The following KIF26A variants were observed in gnomAD, a reference collection of about 807,000 sequenced individuals.
KIF26A encodes the protein kinesin-like protein KIF26A.
KIF26A carries 74 observed loss-of-function variants against 126.0 expected under a neutral mutation model. The ratio of observed to expected loss-of-function variants is 0.59; its 90% CI spans 0.49 to 0.71. The LOEUF (loss-of-function observed/expected upper bound fraction) is 0.71, where lower values mean the gene tolerates loss of function less well. KIF26A is among the 30% of genes least tolerant of loss of function. The pLI, the probability that KIF26A is intolerant of heterozygous loss-of-function variation, is 0.00. For synonymous variants in KIF26A, 1,445 were observed against 1,232.7 expected, an observed-to-expected ratio of 1.17 and a Z score of -3.61; for missense variants, 2,984 against 2,763.3, an observed-to-expected ratio of 1.08 and a Z score of -1.79.
intron 2 of KIF26A, among the ~76,000 whole-genome samples, chr14:104,145,927 C>G (rs1407886608): frequency 6.6e-6 from 1 of 152,230 alleles, no homozygotes; most frequent in Non-Finnish European, 1.5e-5. Flanking sequence ...TGGCTCCAAG[C>G]TTTATCTTCC....
chr14:104,152,129 C>T lies in KIF26A; in HGVS notation c.403C>T (p.Leu135Phe). 6.2e-7 allele frequency: 1 copy of T among 1,612,024 alleles called. No individual in the cohort carries two copies. The change falls in exon 3 of 15, where the codon CTC becomes TTC. Residue 135 changes from leucine to phenylalanine, a missense_variant. Leu to Phe is a conservative substitution (Grantham distance 22). Coordinates refer to ENST00000423312, the MANE Select transcript of KIF26A (RefSeq NM_015656.2). This position sits in a 1 kb window ranked among gnomAD's most constrained non-coding sequence, Gnocchi z 5.9. Reference protein sequence around the residue: ...CDVCATHLQQLTREAMHLLQA... With the variant: ...CDVCATHLQQFTREAMHLLQA... ...CGTCTGCGCCACACACCTGCAGCAG[C>T]TCACACGGGAGGCCATGCACCTGCT...
At chr14:104,168,542 G>A (rs532638460) in intron 5 of KIF26A, among the ~76,000 whole-genome samples, 47 of 152,280 alleles carry the variant, frequency 3.1e-4, no homozygotes, top group African/African-American at 9.9e-4. Flanking sequence ...GGGGGCATCA[G>A]GCAGTTGGCA....
intron 4 of KIF26A, among the ~76,000 whole-genome samples, chr14:104,159,629 C>G (rs537437490): frequency 6.6e-6 from 1 of 152,248 alleles, no homozygotes; most frequent in East Asian, 1.9e-4. Context: ...ACCAGCGCAT[C>G]GGGCTGGGGA....
In KIF26A at chr14:104,139,168, C is replaced by G. The variant is rs1052296852; in HGVS notation, c.168C>G (p.Ala56=). The G allele has an allele frequency of 6.6e-7, 1 of 1,526,242 alleles. No homozygotes were observed. The allele number at this position is 1,526,242 out of a possible 1,614,324, so 94.5% of individuals were successfully genotyped here. The stretch of plus-strand genomic sequence containing the variant: ...GCCCTGCTCCCGAAGGCGCCGGGGC[C>G]GGCCCAGAGCAGGGCCACTCGGCCG... ...GSRPAPEGAG[A]GPEQGHSAGG... is the part of the protein sequence containing the mutation. Residue 56 remains alanine, a synonymous_variant, in exon 2 of 15, where the codon GCC becomes GCG. Transcript: ENST00000423312.
intron 2 of KIF26A, among the ~76,000 whole-genome samples, chr14:104,149,041 G>A (rs965263349): frequency 6.6e-6 from 1 of 152,242 alleles, no homozygotes; most frequent in Non-Finnish European, 1.5e-5. Flanking sequence ...CGAGCAGTCT[G>A]TGCCCTGGCC....
At chr14:104,162,576 C>T (rs1329036379) in intron 4 of KIF26A, among the ~76,000 whole-genome samples, 1 of 152,214 alleles carries the variant, frequency 6.6e-6, no homozygotes, top group African/African-American at 2.4e-5. Context: ...GCCCGGCCTC[C>T]GCGTCCCCTG....
rs1403088242 is a variant in KIF26A, at chr14:104,177,719, C to T, written c.4931C>T (p.Ala1644Val). ...GTGCTGAGTGGAGAGCTGCCGCCCG[C>T]CATGGGCCGCACCGCCCTTTTCCAC... ...SSVLSGELPP[A>V]MGRTALFHHS... Residue 1644 changes from alanine (A) to valine (V), a missense_variant, in exon 12 of 15, where the codon GCC becomes GTC. Coordinates refer to ENST00000423312, the MANE Select transcript of KIF26A (RefSeq NM_015656.2). The T allele has an allele frequency of 2.0e-6, 3 of 1,536,468 alleles. No individual in the cohort carries two copies.
In KIF26A at chr14:104,180,668, C is replaced by G. The variant is rs978395238; in HGVS notation, c.*878C>G. Reference sequence around the variant, plus strand: ...CCGGGCTCTCTCCAGCTGTGGGAGGCCTGCTCCCTCTGGGGGGCACCCTGG... The same window carrying G: ...CCGGGCTCTCTCCAGCTGTGGGAGGGCTGCTCCCTCTGGGGGGCACCCTGG... On this transcript the variant is annotated 3_prime_UTR_variant, in exon 15 of 15. Coordinates refer to ENST00000423312, the MANE Select transcript of KIF26A (RefSeq NM_015656.2). The G allele has an allele frequency of 6.5e-6, 1 of 153,962 alleles. No individual in the cohort carries two copies. The highest frequency in any genetic ancestry group is 1.9e-4 in the East Asian group (1 of 5,180). 9.5% of individuals were successfully genotyped at this position (153,962 alleles called of 1,614,324 possible).
intron 2 of KIF26A, among the ~76,000 whole-genome samples, chr14:104,149,643 C>G (rs2037709069): frequency 6.6e-6 from 1 of 152,212 alleles, no homozygotes; most frequent in Admixed American, 6.5e-5. Flanking sequence ...GCTTCCTGTC[C>G]CCTTTTCCCT....
intron 5 of KIF26A, among the ~76,000 whole-genome samples, chr14:104,168,531 T>G (rs972866167): frequency 6.6e-6 from 1 of 151,496 alleles, no homozygotes; most frequent in Non-Finnish European, 1.5e-5. Context: ...CGGGTCCGGG[T>G]GGGGGCATCA....
Position 104,176,766 on chromosome 14 carries a change from C to T in KIF26A, c.3978C>T (p.Pro1326=), listed in dbSNP as rs771742533. 1.9e-6 allele frequency: 3 copies of T among 1,582,068 alleles called. No individual in the cohort carries two copies. The highest frequency in any genetic ancestry group is 2.7e-5 in the African/African-American group (2 of 74,308). Residue 1326 remains proline, a synonymous_variant, in exon 12 of 15, where the codon CCC becomes CCT. Coordinates refer to ENST00000423312, the MANE Select transcript of KIF26A (RefSeq NM_015656.2). ...TTPAVSWGDA[P]TEVVACSGSL... ...CAGCTGTGTCCTGGGGAGATGCTCCCACGGAGGTGGTGGCCTGCTCGGGGA... is the reference window on the plus strand; with the variant it reads ...CAGCTGTGTCCTGGGGAGATGCTCCTACGGAGGTGGTGGCCTGCTCGGGGA...
chr14:104,139,514 G>T (rs1358297158), intron 2 of KIF26A, among the ~76,000 whole-genome samples: 1 of 152,210 alleles, frequency 6.6e-6, no homozygotes, highest in Non-Finnish European at 1.5e-5. Flanking sequence ...GGATGGGAGG[G>T]GCCTGGGCTG....
intron 12 of KIF26A, among the ~76,000 whole-genome samples, 195 bp from the exon 13 acceptor site, chr14:104,178,355 G>A (rs28429585): frequency 6.6e-6 from 1 of 152,090 alleles, no homozygotes; most frequent in Admixed American, 6.5e-5. Context: ...TGGTGGGGGC[G>A]CCCTTGAGAG....
At position 104,139,244 on chromosome 14, in the gene KIF26A, C is replaced by A; in HGVS notation, c.244C>A (p.Arg82=). Residue 82 remains arginine (R), a synonymous_variant, in exon 2 of 15, where the codon CGA becomes AGA. Coordinates refer to ENST00000423312, the MANE Select transcript of KIF26A (RefSeq NM_015656.2). ...CCACACGAAGCTGGTGGAGCTCAAG[C>A]GACAGGCGTGGAAGCTGGTCAGCGG... ...HCHTKLVELK[R]QAWKLVSGPG... The A allele has an allele frequency of 1.3e-6, 2 of 1,555,184 alleles. No individual in the cohort carries two copies. The highest frequency in any genetic ancestry group is 1.7e-6 in the Non-Finnish European group (2 of 1,152,666).
intron 5 of KIF26A, among the ~76,000 whole-genome samples, chr14:104,169,936 A>G (rs577959409): frequency 9.2e-5 from 14 of 152,136 alleles, no homozygotes; most frequent in Non-Finnish European, 1.9e-4. Flanking sequence ...TTCGGCAGAC[A>G]ATGGCCTGCG....
At chr14:104,154,492 G>C (rs2037758943) in intron 3 of KIF26A, among the ~76,000 whole-genome samples, 1 of 152,204 alleles carries the variant, frequency 6.6e-6, no homozygotes, top group Admixed American at 6.5e-5. Context: ...CTATGGAGCC[G>C]CCGGGCAGGG....
chr14:104,151,000 CTCTGG>C (rs2037724186), intron 2 of KIF26A, among the ~76,000 whole-genome samples: 1 of 152,308 alleles, frequency 6.6e-6, no homozygotes, highest in Admixed American at 6.5e-5. Context: ...CTGGTCCTGA[CTCTGG>C]CCCTGACTGT....
chr14:104,167,193 A>G, intron 5 of KIF26A, 145 bp downstream of exon 5: 1 of 892,576 alleles, frequency 1.1e-6, no homozygotes, highest in Non-Finnish European at 1.6e-6. Flanking sequence ...GGGGAGACTG[A>G]GGCCCAGGTG....
chr14:104,170,399 G>A (rs1482624168), intron 5 of KIF26A, among the ~76,000 whole-genome samples: 3 of 152,234 alleles, frequency 2.0e-5, no homozygotes, highest in Non-Finnish European at 2.9e-5. Context: ...GGGCACTCCC[G>A]ACTCCAGCGG....
Sources: gnomAD v4.1 joint callset for allele counts (sites outside exome capture counted in the v4.1 genomes callset) on GRCh38, gnomAD v4.1.1 for gene constraint, Gnocchi (gnomAD v3.1) non-coding constraint, MANE v1.5 for transcripts, NCBI Gene and HGNC (gene_info 2026-07-23, HGNC 2026-07-21) for gene names.